F13A1: variants seen among roughly 807,000 people sequenced by gnomAD.
F13A1 encodes the protein coagulation factor XIII A chain, also known as FSF, A subunit.
A neutral mutation model predicts 80.1 loss-of-function variants in F13A1; 47 were observed. The ratio of observed to expected loss-of-function variants is 0.59; its 90% CI spans 0.46 to 0.75. The LOEUF is 0.75. Ranked by LOEUF, F13A1 falls within the 30% of genes least tolerant of loss-of-function variation. The probability of loss-of-function intolerance (pLI) is 0.00; values close to 1 mark genes in which losing one functional copy is unlikely to be tolerated. For missense variants in F13A1, 817 were observed against 930.4 expected, an observed-to-expected ratio of 0.88 and a Z score of 1.59; for synonymous variants, 349 against 344.9, an observed-to-expected ratio of 1.01 and a Z score of -0.13.
chr6:6,205,521 C>G (rs1761470444), intron 8 of F13A1, among the ~76,000 whole-genome samples: 1 of 152,186 alleles, frequency 6.6e-6, no homozygotes, highest in Non-Finnish European at 1.5e-5. Context: ...GGGAGTGAGT[C>G]CTTCCTTAGT....
At chr6:6,315,593 C>T (rs1260316541) in intron 2 of F13A1, among the ~76,000 whole-genome samples, 1 of 152,160 alleles carries the variant, frequency 6.6e-6, no homozygotes, top group African/African-American at 2.4e-5. Context: ...TACCTTAGAA[C>T]ACTGTATATA....
intron 10 of F13A1, among the ~76,000 whole-genome samples, chr6:6,185,612 A>AT (rs1761066915): frequency 6.6e-6 from 1 of 151,672 alleles, no homozygotes; most frequent in South Asian, 2.1e-4. Flanking sequence ...TTCTTAATCC[A>AT]GTCTATCATT....
At chr6:6,180,909 A>T (rs1478783064) in intron 11 of F13A1, among the ~76,000 whole-genome samples, 1 of 152,252 alleles carries the variant, frequency 6.6e-6, no homozygotes, top group Non-Finnish European at 1.5e-5. Context: ...TCCAATGAAT[A>T]TTTAGGTATA....
intron 3 of F13A1, among the ~76,000 whole-genome samples, chr6:6,282,513 A>G (rs982733881): frequency 1.3e-5 from 2 of 152,246 alleles, no homozygotes; most frequent in African/African-American, 2.4e-5. Flanking sequence ...AATTTCCTAT[A>G]AAGTACTTAT....
intron 8 of F13A1, chr6:6,206,531 A>C (rs1441706722): frequency 4.1e-6 from 2 of 487,170 alleles, no homozygotes; most frequent in South Asian, 1.5e-5. Context: ...TTTACTCTCA[A>C]GTGAGACTTG....
intron 2 of F13A1, among the ~76,000 whole-genome samples, chr6:6,317,815 C>T (rs747067567): frequency 8.5e-5 from 13 of 152,182 alleles, no homozygotes; most frequent in African/African-American, 2.9e-4. Flanking sequence ...CAATGCCACT[C>T]GGGGACATGA....
chr6:6,157,193 A>G (rs569396688), intron 13 of F13A1, among the ~76,000 whole-genome samples: 15 of 152,302 alleles, frequency 9.8e-5, no homozygotes, highest in Admixed American at 3.3e-4. Context: ...CATTCTGTTC[A>G]TCAGTTTACT....
intron 6 of F13A1, among the ~76,000 whole-genome samples, chr6:6,246,946 G>A (rs767239234): frequency 1.3e-5 from 2 of 152,142 alleles, no homozygotes; most frequent in Admixed American, 1.3e-4. Flanking sequence ...TCTTGTGGGC[G>A]AAACAGTAAA....
chr6:6,250,947 CAT>C lies in F13A1; in HGVS notation c.572-20_572-19del. ...AGCATCATCTGCATCAGGGTTTAAA[CAT>C]AGTGACTATTACCAAACCAGACTGT... is the stretch of plus-strand genomic sequence containing the variant. On this transcript the variant is annotated intron_variant, in intron 4 of 14. Transcript: ENST00000264870. The surrounding 1 kb of genome is among the most constrained non-coding windows in gnomAD (Gnocchi z 4.2). 1 of 1,517,084 alleles carries C rather than the reference CAT, an allele frequency of 6.6e-7. No homozygotes were observed. Among genetic ancestry groups the C allele is most frequent in the Non-Finnish European group, 9.1e-7 (1 of 1,092,946 alleles). The allele number at this position is 1,517,084 out of a possible 1,614,324, so 94.0% of individuals were successfully genotyped here. A position where few individuals can be genotyped will look rare whatever the true frequency, so the allele number is the denominator to read the frequency against.
In F13A1 at chr6:6,250,864, T is replaced by A. The variant is rs771091417; in HGVS notation, c.637A>T (p.Ile213Phe). ...EEYVLNDIGV[I>F]FYGEVNDIKT... ...ATGTCATTGACCTCTCCATAAAAAA[T>A]TACCCCGATGTCATTCAGGACATAC... Residue 213 changes from isoleucine to phenylalanine, a missense_variant, in exon 5 of 15, where the codon ATT (isoleucine) becomes TTT (phenylalanine). By Grantham distance (21) the Ile-to-Phe change is conservative. Coordinates refer to ENST00000264870, the MANE Select transcript of F13A1 (RefSeq NM_000129.4). The surrounding 1 kb of genome is among the most constrained non-coding windows in gnomAD (Gnocchi z 4.2). 6.2e-7 allele frequency: 1 copy of A among 1,613,620 alleles called. No individual in the cohort carries two copies. The highest frequency in any genetic ancestry group is 1.3e-5 in the African/African-American group (1 of 74,914).
At chr6:6,233,319 C>T (rs545603999) in intron 6 of F13A1, among the ~76,000 whole-genome samples, 2 of 152,140 alleles carry the variant, frequency 1.3e-5, no homozygotes, top group South Asian at 2.1e-4. Context: ...ACTATGAACA[C>T]CTTAATGCAC....
intron 11 of F13A1, among the ~76,000 whole-genome samples, chr6:6,176,106 T>A (rs1341908447): frequency 6.6e-6 from 1 of 152,184 alleles, no homozygotes; most frequent in African/African-American, 2.4e-5. Flanking sequence ...AGGATAGAGA[T>A]GAGAAGATGA....
chr6:6,255,070 T>C (rs1757684889), intron 4 of F13A1, among the ~76,000 whole-genome samples: 2 of 152,182 alleles, frequency 1.3e-5, no homozygotes, highest in Non-Finnish European at 2.9e-5. Flanking sequence ...TAAGTCTCCC[T>C]GAACCCTTTC....
At chr6:6,150,530 C>T (rs4960167) in intron 14 of F13A1, among the ~76,000 whole-genome samples, 19,917 of 152,166 alleles carry the variant, frequency 0.13, 1,477 homozygotes, top group Middle Eastern at 0.17. Flanking sequence ...GAAAGAAATG[C>T]GGAGAGCCCT....
intron 8 of F13A1, among the ~76,000 whole-genome samples, chr6:6,200,365 G>C (rs113366318): frequency 6.6e-6 from 1 of 152,054 alleles, no homozygotes; most frequent in Non-Finnish European, 1.5e-5. Context: ...CCAGGAGTTT[G>C]AGGCCATCCT....
chr6:6,209,638 TC>T (rs778515361), intron 8 of F13A1, among the ~76,000 whole-genome samples: 4 of 152,220 alleles, frequency 2.6e-5, no homozygotes, highest in Non-Finnish European at 5.9e-5. Flanking sequence ...ACCTGGTTTA[TC>T]CACACAATGA....
chr6:6,146,183 A>G (rs3799565), intron 14 of F13A1, among the ~76,000 whole-genome samples: 38,181 of 152,026 alleles, frequency 0.25, 5,236 homozygotes, highest in African/African-American at 0.35. Flanking sequence ...ACAGTCCTAT[A>G]TGAATCCCCC....
At chr6:6,257,710 G>A (rs147643607) in intron 4 of F13A1, among the ~76,000 whole-genome samples, 1 of 152,278 alleles carries the variant, frequency 6.6e-6, no homozygotes, top group African/African-American at 2.4e-5. Flanking sequence ...AATCATCCGT[G>A]CGTGCATAGT....
intron 3 of F13A1, among the ~76,000 whole-genome samples, chr6:6,284,652 A>C (rs1404406636): frequency 6.6e-6 from 1 of 152,022 alleles, no homozygotes; most frequent in Non-Finnish European, 1.5e-5. Flanking sequence ...CCAAACTCCA[A>C]ATGCAGCCAG....
Sources: allele counts gnomAD v4.1 joint callset (sites outside exome capture counted in the v4.1 genomes callset), GRCh38; gene constraint gnomAD v4.1.1; non-coding constraint Gnocchi (gnomAD v3.1); transcripts MANE v1.5; gene names NCBI Gene and HGNC (gene_info 2026-07-23, HGNC 2026-07-21).